The following ATP9B variants were observed in gnomAD, a reference collection of about 807,000 sequenced individuals.
The protein encoded by ATP9B is ATPase phospholipid transporting 9B.
Under a neutral mutation model 146.1 loss-of-function variants are expected in ATP9B, and 110 were observed. That is an observed-to-expected ratio of 0.75 (90% CI 0.65 to 0.88). ATP9B has a LOEUF of 0.88. Among genes scored for constraint, ATP9B ranks in the 40% least tolerant of loss-of-function variants. The pLI, the probability that ATP9B is intolerant of heterozygous loss-of-function variation, is 0.00. For missense variants in ATP9B, 1,499 were observed against 1,496.4 expected (o/e 1.00, Z -0.03); for synonymous variants, 604 against 569.7 (o/e 1.06, Z -0.86).
At chr18:79,212,036 G>T (rs1323275712) in intron 10 of ATP9B, among the ~76,000 whole-genome samples, 1 of 151,994 alleles carries the variant, frequency 6.6e-6, no homozygotes, top group Non-Finnish European at 1.5e-5. Flanking sequence ...GTCTCATTTC[G>T]CAATCCACAG....
In ATP9B at chr18:79,114,622, T is replaced by A. The variant is rs2094032794; in HGVS notation, c.558+1268T>A. 2.6e-5 allele frequency among the ~76,000 whole-genome samples: 4 copies of A among 152,304 alleles called. No homozygotes were observed. In the South Asian group the frequency reaches 8.3e-4, roughly 32 times the overall value. On this transcript the variant is annotated intron_variant, in intron 4 of 29. Coordinates refer to ENST00000426216, the MANE Select transcript of ATP9B (RefSeq NM_198531.5). ...ACATAGACTTCATAGTAGGGTGGAT[T>A]TGAGGAATGAGTAACTTTATATGTA...
At chr18:79,078,505 G>T (rs1440790556) in intron 1 of ATP9B, among the ~76,000 whole-genome samples, 1 of 152,024 alleles carries the variant, frequency 6.6e-6, no homozygotes, top group African/African-American at 2.4e-5. Context: ...CTCCATCTTG[G>T]TCTAGAACTG....
chr18:79,348,149 C>T lies in ATP9B; in HGVS notation c.2856C>T (p.Val952=). The change falls in exon 25 of 30, where the codon GTC becomes GTT. Residue 952 remains valine, a synonymous_variant. Coordinates refer to ENST00000426216, the MANE Select transcript of ATP9B (RefSeq NM_198531.5). ...CTCTCCAGGCTGTGTTTTCCTCAGT[C>T]TTCTACTTCGCATCCGTCCCTTTGT... ...ISTMQAVFSS[V]FYFASVPLYQ... 6.2e-7 allele frequency: 1 copy of T among 1,605,724 alleles called. No homozygotes were observed. Among genetic ancestry groups the T allele is most frequent in the Non-Finnish European group, 8.5e-7 (1 of 1,175,682 alleles).
chr18:79,170,746 A>C (rs1206449123), intron 7 of ATP9B, among the ~76,000 whole-genome samples: 2 of 152,168 alleles, frequency 1.3e-5, no homozygotes, highest in Non-Finnish European at 2.9e-5. Context: ...TCTCTCCTGC[A>C]TGTCAGATTA....
chr18:79,208,558 A>G (rs867915891), intron 10 of ATP9B, among the ~76,000 whole-genome samples: 2 of 152,254 alleles, frequency 1.3e-5, no homozygotes, highest in Admixed American at 1.3e-4. Context: ...AGGAGGACAC[A>G]TGTTAGCTTT....
chr18:79,234,661 G>T (rs948793362), intron 11 of ATP9B, among the ~76,000 whole-genome samples: 2 of 147,176 alleles, frequency 1.4e-5, no homozygotes, highest in Admixed American at 6.7e-5. Context: ...CTTCGTGTGG[G>T]TGTGCTCCTG....
At chr18:79,174,840 A>T (rs1301111100) in intron 7 of ATP9B, among the ~76,000 whole-genome samples, 1 of 152,120 alleles carries the variant, frequency 6.6e-6, no homozygotes, top group African/African-American at 2.4e-5. Flanking sequence ...CTCCAGGCAG[A>T]TGTCTACATG....
At chr18:79,116,889 A>T (rs2094086666) in intron 4 of ATP9B, among the ~76,000 whole-genome samples, 1 of 121,080 alleles carries the variant, frequency 8.3e-6, no homozygotes, top group Non-Finnish European at 1.7e-5. Context: ...AACCTGCACA[A>T]TGTGCACATG....
intron 1 of ATP9B, among the ~76,000 whole-genome samples, chr18:79,076,641 A>G (rs1403608646): frequency 6.6e-6 from 1 of 152,126 alleles, no homozygotes; most frequent in African/African-American, 2.4e-5. Flanking sequence ...GGATTTCTTC[A>G]GGATTACCCT....
rs1568640364 is a variant in ATP9B at position 79,309,574 on chromosome 18, CT to C, written c.1773+2341del. Among the ~76,000 whole-genome samples, 28 of 79,160 alleles carry C rather than the reference CT, an allele frequency of 3.5e-4. 1 individual carries two copies. The highest frequency in any genetic ancestry group is 1.4e-3 in the African/African-American group (27 of 19,336). The allele number at this position is 79,160 out of a possible 152,430, so 51.9% of individuals were successfully genotyped here. A position where few individuals can be genotyped will look rare whatever the true frequency, so the allele number is the denominator to read the frequency against. On this transcript the variant is annotated intron_variant, in intron 15 of 29. Coordinates refer to ENST00000426216, the MANE Select transcript of ATP9B (RefSeq NM_198531.5). The stretch of plus-strand genomic sequence containing the variant: ...TCCCCAGCAGGTAGAAGGTCAGGGG[CT>C]GAGGAGTGATCCCCAGCAGGTAGAA...
chr18:79,217,632 T>G (rs2095640278), intron 11 of ATP9B, among the ~76,000 whole-genome samples: 1 of 152,202 alleles, frequency 6.6e-6, no homozygotes, highest in African/African-American at 2.4e-5. Context: ...AAAGGTAACA[T>G]GTAATTTATC....
chr18:79,277,133 G>A lies in ATP9B; in HGVS notation c.1348G>A (p.Val450Ile), dbSNP rs775749856. ...MKDENIPGTV[V>I]RTSTIPEELG... ...AGATGAGAACATCCCTGGCACGGTCGTTCGGACCAGCACTATCCCAGAGGA... is the reference window on the plus strand; with the variant it reads ...AGATGAGAACATCCCTGGCACGGTCATTCGGACCAGCACTATCCCAGAGGA... The change falls in exon 13 of 30, where the codon GTT (valine) becomes ATT (isoleucine). Residue 450 changes from valine to isoleucine, a missense_variant. Physicochemically the swap from Val to Ile is conservative, Grantham distance 29. Coordinates refer to ENST00000426216, the MANE Select transcript of ATP9B (RefSeq NM_198531.5). The A allele has an allele frequency of 7.4e-6, 12 of 1,614,224 alleles. No homozygotes were observed. The highest frequency in any genetic ancestry group is 3.3e-5 in the South Asian group (3 of 91,084).
chr18:79,144,016 A>AT, intron 6 of ATP9B, 156 bp downstream of exon 6: 1 of 472,554 alleles, frequency 2.1e-6, no homozygotes, highest in South Asian at 5.1e-5. Context: ...AAAAATCTAG[A>AT]TTTTTGTATA....
chr18:79,129,837 G>A (rs777258373), intron 5 of ATP9B, among the ~76,000 whole-genome samples: 3 of 151,688 alleles, frequency 2.0e-5, no homozygotes, highest in African/African-American at 2.4e-5. Context: ...TCCGTCCCCC[G>A]GCTTCAAGTG....
chr18:79,234,503 G>A (rs1310280666), intron 11 of ATP9B, among the ~76,000 whole-genome samples: 2 of 152,242 alleles, frequency 1.3e-5, no homozygotes, highest in Admixed American at 1.3e-4. Flanking sequence ...CTTCCTGCGT[G>A]TTCTGCAGGG....
chr18:79,090,346 C>G (rs2074216397), intron 1 of ATP9B, among the ~76,000 whole-genome samples: 1 of 152,186 alleles, frequency 6.6e-6, no homozygotes, highest in South Asian at 2.1e-4. Flanking sequence ...TAGGAACTTT[C>G]AAACTGTTCT....
At chr18:79,348,541 C>G (rs1386291894) in intron 25 of ATP9B, among the ~76,000 whole-genome samples, 1 of 152,250 alleles carries the variant, frequency 6.6e-6, no homozygotes, top group African/African-American at 2.4e-5. Flanking sequence ...AGGCTGCCCT[C>G]CCCTGGCTGG....
chr18:79,201,188 A>G (rs536026632), intron 9 of ATP9B, among the ~76,000 whole-genome samples: 1 of 152,332 alleles, frequency 6.6e-6, no homozygotes, highest in South Asian at 2.1e-4. Context: ...GTTTTCTAAC[A>G]GTTTTTTTCT....
rs2096863636 is a variant in ATP9B, at chr18:79,342,273, G to A, written c.2289G>A (p.Trp763Ter). The A allele has an allele frequency of 6.2e-7, 1 of 1,612,026 alleles. No homozygotes were observed. The highest frequency in any genetic ancestry group is 8.5e-7 in the Non-Finnish European group (1 of 1,178,456). Residue 763 changes from tryptophan to a stop codon, truncating the protein, a stop_gained, in exon 20 of 30, where the codon TGG becomes TGA. Transcript: ENST00000426216. LOFTEE classifies it high-confidence loss of function. ...CAGTTTAAATTGTTCCCTAGATATG[G>A]ATGCTAACAGGCGATAAACTCGAGA... ...EMLRNAGIKI[W>*]MLTGDKLETA...
Sources: allele counts gnomAD v4.1 joint callset (sites outside exome capture counted in the v4.1 genomes callset), GRCh38; gene constraint gnomAD v4.1.1; transcripts MANE v1.5; gene names NCBI Gene and HGNC (gene_info 2026-07-23, HGNC 2026-07-21).